The following ETF1 variants were observed in gnomAD, a reference collection of about 807,000 sequenced individuals.
The protein encoded by ETF1 is eukaryotic peptide chain release factor subunit 1.
A neutral mutation model predicts 55.1 loss-of-function variants in ETF1; 4 were observed. That is an observed-to-expected ratio of 0.07 (90% CI 0.04 to 0.17). ETF1 has a LOEUF of 0.17. Ranked by LOEUF, ETF1 falls within the 10% of genes least tolerant of loss-of-function variation. The pLI is 1.00. For synonymous variants in ETF1, 157 were observed against 182.3 expected (o/e 0.86, Z 1.12); for missense variants, 142 against 523.6 (o/e 0.27, Z 7.11).
At chr5:138,512,552 C>T (rs961489759) in intron 6 of ETF1, 6 of 437,768 alleles carry the variant, frequency 1.4e-5, no homozygotes, top group Non-Finnish European at 2.4e-5. Context: ...ATAAGAAGCC[C>T]ACCTAAAAAT....
chr5:138,541,096 T>C (rs1188400924), intron 2 of ETF1, among the ~76,000 whole-genome samples: 1 of 152,330 alleles, frequency 6.6e-6, no homozygotes, highest in East Asian at 1.9e-4. Context: ...CATCCACCTA[T>C]ATACAATACT....
In ETF1 at chr5:138,543,104, C is replaced by T. The variant is rs1182896268; in HGVS notation, c.-26G>A. 2 of 641,264 alleles carry T rather than the reference C, an allele frequency of 3.1e-6. No individual in the cohort carries two copies. The highest frequency in any genetic ancestry group is 3.0e-5 in the Admixed American group (1 of 33,266). 39.7% of individuals were successfully genotyped at this position (641,264 alleles called of 1,614,324 possible). On this transcript the variant is annotated 5_prime_UTR_variant, in exon 1 of 11. Coordinates refer to ENST00000360541, the MANE Select transcript of ETF1 (RefSeq NM_004730.4). ...TCCCTCCCTGTGCCTTACCTAAGGG[C>T]CCAGTCCTGGGCGGCAGCGGCTGCT...
At chr5:138,531,263 T>C (rs1040994468) in intron 2 of ETF1, among the ~76,000 whole-genome samples, 2 of 152,188 alleles carry the variant, frequency 1.3e-5, no homozygotes, top group Non-Finnish European at 2.9e-5. Context: ...GCCATCTCTC[T>C]TTTGTTCTCT....
chr5:138,527,825 T>A (rs974854231), intron 2 of ETF1, among the ~76,000 whole-genome samples: 5 of 151,570 alleles, frequency 3.3e-5, no homozygotes, highest in African/African-American at 1.2e-4. Flanking sequence ...CAGGCAGGAG[T>A]GCAGTGGCAC....
At chr5:138,535,868 C>T (rs1327530100) in intron 2 of ETF1, among the ~76,000 whole-genome samples, 1 of 112,760 alleles carries the variant, frequency 8.9e-6, no homozygotes, top group Non-Finnish European at 1.7e-5. Flanking sequence ...AAGCGAGACT[C>T]CGCCTCAAAA....
chr5:138,519,210 G>C, intron 2 of ETF1: 1 of 984,768 alleles, frequency 1.0e-6, no homozygotes. Flanking sequence ...GAATCTGTCC[G>C]TGGGAGAGCC....
intron 9 of ETF1, among the ~76,000 whole-genome samples, chr5:138,509,363 G>A (rs971947778): frequency 1.3e-5 from 2 of 152,212 alleles, no homozygotes; most frequent in African/African-American, 2.4e-5. Context: ...CAGTGCAGGA[G>A]AGGCATTATG....
chr5:138,542,561 G>T, intron 2 of ETF1: 1 of 1,279,414 alleles, frequency 7.8e-7, no homozygotes, highest in Non-Finnish European at 1.0e-6. Flanking sequence ...GGGCCCGGGA[G>T]AGGTGCAAAA....
chr5:138,538,479 C>G (rs558280570), intron 2 of ETF1, among the ~76,000 whole-genome samples: 1 of 152,192 alleles, frequency 6.6e-6, no homozygotes, highest in Non-Finnish European at 1.5e-5. Flanking sequence ...TGTGAGTCAA[C>G]GTGCCCAGTC....
intron 2 of ETF1, among the ~76,000 whole-genome samples, chr5:138,526,861 C>T (rs1028926992): frequency 6.6e-6 from 1 of 152,100 alleles, no homozygotes; most frequent in African/African-American, 2.4e-5. Context: ...CAACCACACC[C>T]AGCTAATTTT....
Position 138,520,180 on chromosome 5 carries a change from T to C in ETF1, c.87-1313A>G, listed in dbSNP as rs549861221. The stretch of plus-strand genomic sequence containing the variant: ...TGGTTTTTTGAAAGCATAAACAAGA[T>C]TGATAAACCACTGTCTACATTAACA... On this transcript the variant is annotated intron_variant, in intron 2 of 10. Coordinates refer to ENST00000360541, the MANE Select transcript of ETF1 (RefSeq NM_004730.4). 4.7e-4 allele frequency among the ~76,000 whole-genome samples: 69 copies of C among 145,982 alleles called. 1 individual carries two copies. Among genetic ancestry groups the C allele is most frequent in the Admixed American group, 7.7e-4 (11 of 14,256 alleles).
intron 2 of ETF1, among the ~76,000 whole-genome samples, chr5:138,535,870 G>A (rs553632440): frequency 0.013 from 354 of 26,552 alleles, no homozygotes; most frequent in Non-Finnish European, 0.021. Flanking sequence ...GCGAGACTCC[G>A]CCTCAAAAAA....
intron 9 of ETF1, 104 bp from the exon 10 acceptor site, chr5:138,508,920 T>C (rs1764656491): frequency 1.3e-6 from 2 of 1,497,298 alleles, no homozygotes; most frequent in Admixed American, 2.2e-5. Context: ...CATCCTCCCA[T>C]TTATAGGCAT....
At chr5:138,529,667 G>A (rs1765615195) in intron 2 of ETF1, 3 of 984,922 alleles carry the variant, frequency 3.0e-6, no homozygotes, top group Non-Finnish European at 3.6e-6. Flanking sequence ...GCTTCGCCCA[G>A]AGGGTTAACG....
At position 138,506,382 on chromosome 5, in the gene ETF1, A is replaced by T. The variant is rs1465875511; in HGVS notation, c.*1923T>A. The T allele has an allele frequency of 6.6e-6, 1 of 152,654 alleles. No individual in the cohort carries two copies. Among genetic ancestry groups the T allele is most frequent in the Non-Finnish European group, 1.5e-5 (1 of 68,034 alleles). 9.5% of individuals were successfully genotyped at this position (152,654 alleles called of 1,614,324 possible). On this transcript the variant is annotated 3_prime_UTR_variant, in exon 11 of 11. Coordinates refer to ENST00000360541, the MANE Select transcript of ETF1 (RefSeq NM_004730.4). ...TAGTAAAAATAAAAACTACAAAAGGAGCTGCATACCCTAAATGTATCATGT... is the reference window on the plus strand; with the variant it reads ...TAGTAAAAATAAAAACTACAAAAGGTGCTGCATACCCTAAATGTATCATGT...
chr5:138,518,633 C>T (rs897651339), intron 3 of ETF1, 59 bp downstream of exon 3: 1 of 1,425,254 alleles, frequency 7.0e-7, no homozygotes, highest in Non-Finnish European at 9.8e-7. Context: ...ATAGCAGCAT[C>T]ACAGTATAAA....
rs370595699 is a variant in ETF1, at chr5:138,527,511, T to C, written c.87-8644A>G. Among the ~76,000 whole-genome samples, 473 of 152,314 alleles carry C rather than the reference T, an allele frequency of 3.1e-3. 2 individuals carry two copies. Among genetic ancestry groups the C allele is most frequent in the African/African-American group, 9.0e-3 (373 of 41,570 alleles). On this transcript the variant is annotated intron_variant, in intron 2 of 10. Coordinates refer to ENST00000360541, the MANE Select transcript of ETF1 (RefSeq NM_004730.4). The stretch of plus-strand genomic sequence containing the variant: ...TTTTTGATAATTCCTTCTGGAGTTA[T>C]GTCAAACTCTACATACATGCCAATG...
intron 2 of ETF1, among the ~76,000 whole-genome samples, chr5:138,536,713 C>T (rs776941777): frequency 3.9e-5 from 6 of 152,154 alleles, no homozygotes; most frequent in Non-Finnish European, 7.4e-5. Context: ...TTTCTCCTTC[C>T]TACTCTTCAA....
At chr5:138,533,338 T>C (rs974214328) in intron 2 of ETF1, among the ~76,000 whole-genome samples, 3 of 152,200 alleles carry the variant, frequency 2.0e-5, no homozygotes, top group Non-Finnish European at 4.4e-5. Context: ...CATCTCTATA[T>C]ACTCTTTTTT....
Sources: gnomAD v4.1 joint callset for allele counts (sites outside exome capture counted in the v4.1 genomes callset) on GRCh38, gnomAD v4.1.1 for gene constraint, MANE v1.5 for transcripts, NCBI Gene and HGNC (gene_info 2026-07-23, HGNC 2026-07-21) for gene names.